The following DPP10 variants were observed in gnomAD, a reference collection of about 807,000 sequenced individuals.
DPP10 encodes inactive dipeptidyl peptidase 10.
Under a neutral mutation model 120.9 loss-of-function variants are expected in DPP10, and 33 were observed. The observed-to-expected ratio is 0.27, with a 90% CI of 0.21 to 0.37. The LOEUF (loss-of-function observed/expected upper bound fraction) is 0.37. Among genes scored for constraint, DPP10 ranks in the 10% least tolerant of loss-of-function variants. The pLI is 1.00. For synonymous variants in DPP10, 337 were observed against 326.1 expected (o/e 1.03, Z -0.36); for missense variants, 816 against 942.8 (o/e 0.87, Z 1.76).
chr2:115,248,527 T>C (rs2058629311), intron 1 of DPP10, among the ~76,000 whole-genome samples: 1 of 152,132 alleles, frequency 6.6e-6, no homozygotes. Flanking sequence ...AACCTGCTGC[T>C]ACGTTAGTTA....
At chr2:114,497,375 A>G (rs917147125) in intron 1 of DPP10, among the ~76,000 whole-genome samples, 1 of 143,392 alleles carries the variant, frequency 7.0e-6, no homozygotes, top group African/African-American at 2.5e-5. Flanking sequence ...ACACATGTAC[A>G]TATACATATA....
At chr2:115,295,795 T>C (rs185562408) in intron 1 of DPP10, among the ~76,000 whole-genome samples, 8 of 152,186 alleles carry the variant, frequency 5.3e-5, no homozygotes, top group Non-Finnish European at 5.9e-5. Flanking sequence ...GTAAAGAAGG[T>C]ATTAGAAAAA....
At chr2:115,778,547 C>T (rs1170798415) in intron 15 of DPP10, among the ~76,000 whole-genome samples, 1 of 152,032 alleles carries the variant, frequency 6.6e-6, no homozygotes, top group Non-Finnish European at 1.5e-5. Flanking sequence ...CCTATTAATT[C>T]TAGACTTTAT....
At chr2:114,469,594 G>T (rs1679732407) in intron 1 of DPP10, among the ~76,000 whole-genome samples, 1 of 152,048 alleles carries the variant, frequency 6.6e-6, no homozygotes, top group South Asian at 2.1e-4. Context: ...TGGGAGTGGT[G>T]GTGCATGCCT....
chr2:115,511,718 TCTTCTTCTTC>T (rs2077233260), intron 4 of DPP10, among the ~76,000 whole-genome samples: 1 of 128,258 alleles, frequency 7.8e-6, no homozygotes, highest in South Asian at 2.5e-4. Flanking sequence ...TTCTTCTTCT[TCTTCTTCTTC>T]TTCTTTTTTT....
chr2:115,432,657 TTTTG>T (rs1173735452), intron 3 of DPP10, among the ~76,000 whole-genome samples: 1 of 61,308 alleles, frequency 1.6e-5, no homozygotes, highest in East Asian at 3.6e-4. Flanking sequence ...CCATAGGCAA[TTTTG>T]TGTGTGTGTG....
At chr2:114,777,275 T>C (rs1480269389) in intron 1 of DPP10, among the ~76,000 whole-genome samples, 1 of 152,144 alleles carries the variant, frequency 6.6e-6, no homozygotes. Context: ...GGAAACACTG[T>C]CTTGTGCTGG....
intron 3 of DPP10, among the ~76,000 whole-genome samples, chr2:115,458,385 C>A (rs1037777998): frequency 2.0e-5 from 3 of 152,048 alleles, no homozygotes; most frequent in African/African-American, 7.2e-5. Context: ...ATTGAATTTA[C>A]AGATAATTGT....
At chr2:115,553,712 C>G (rs2080021961) in intron 5 of DPP10, among the ~76,000 whole-genome samples, 3 of 151,774 alleles carry the variant, frequency 2.0e-5, no homozygotes, top group Admixed American at 6.6e-5. Context: ...GCAAAATAAT[C>G]TATTGATTGT....
At chr2:114,932,268 T>G (rs1484907546) in intron 1 of DPP10, among the ~76,000 whole-genome samples, 1 of 152,206 alleles carries the variant, frequency 6.6e-6, no homozygotes, top group Non-Finnish European at 1.5e-5. Flanking sequence ...ATCTAAAAGC[T>G]AAACATTTTT....
intron 1 of DPP10, among the ~76,000 whole-genome samples, chr2:114,829,534 A>ATT (rs539035964): frequency 0.27 from 37,471 of 138,264 alleles, 5,026 homozygotes; most frequent in Middle Eastern, 0.35. Context: ...CACTCAGCTA[A>ATT]TTTTTTTTTT....
intron 1 of DPP10, among the ~76,000 whole-genome samples, chr2:114,449,740 T>C (rs939266376): frequency 1.3e-5 from 2 of 152,214 alleles, no homozygotes; most frequent in African/African-American, 4.8e-5. Context: ...CTTTGTATTA[T>C]GATTTGTTCT....
intron 7 of DPP10, among the ~76,000 whole-genome samples, chr2:115,698,306 A>C (rs2091705796): frequency 6.6e-6 from 1 of 152,198 alleles, no homozygotes; most frequent in Middle Eastern, 3.2e-3. Flanking sequence ...AAATACTTAG[A>C]GATGAAGTAA....
chr2:115,003,575 T>G (rs1386927461), intron 1 of DPP10, among the ~76,000 whole-genome samples: 1 of 152,104 alleles, frequency 6.6e-6, no homozygotes, highest in East Asian at 1.9e-4. Context: ...TTGTGAAGTC[T>G]TTAGTTTATA....
At chr2:115,764,491 G>GC (rs1179403427) in intron 12 of DPP10, among the ~76,000 whole-genome samples, 2 of 151,854 alleles carry the variant, frequency 1.3e-5, no homozygotes, top group African/African-American at 2.4e-5. Flanking sequence ...CAGAAAATAA[G>GC]AACAATGGAC....
At chr2:115,771,699 C>T (rs1024573038) in intron 13 of DPP10, among the ~76,000 whole-genome samples, 19 of 152,150 alleles carry the variant, frequency 1.2e-4, no homozygotes, top group African/African-American at 4.1e-4. Flanking sequence ...TTAAAGTTGT[C>T]GTGCCTGAAA....
intron 3 of DPP10, among the ~76,000 whole-genome samples, chr2:115,498,391 C>A (rs1396216115): frequency 6.6e-6 from 1 of 152,010 alleles, no homozygotes; most frequent in African/African-American, 2.4e-5. Context: ...GTGTCAGACA[C>A]CTTTTCGTGT....
In DPP10 at chr2:114,678,098, C is replaced by T. The variant is rs115360469; in HGVS notation, c.60+235260C>T. On this transcript the variant is annotated intron_variant, in intron 1 of 25. Transcript: ENST00000410059. The stretch of plus-strand genomic sequence containing the variant: ...TCATTTTACTTTCTTATCACTTATG[C>T]CTGAGAGTAGAAATTAAACAAATGG... 9.7e-3 allele frequency among the ~76,000 whole-genome samples: 1,481 copies of T among 152,084 alleles called. 18 individuals are homozygous for T. Among genetic ancestry groups the T allele is most frequent in the African/African-American group, 0.033 (1,374 of 41,530 alleles).
At chr2:114,765,507 A>G (rs10173989) in intron 1 of DPP10, among the ~76,000 whole-genome samples, 4,722 of 152,280 alleles carry the variant, frequency 0.031, 261 homozygotes, top group African/African-American at 0.11. Flanking sequence ...AGCCACGAGC[A>G]TATGCTTCAG....
Sources: allele counts gnomAD v4.1 joint callset (sites outside exome capture counted in the v4.1 genomes callset), GRCh38; gene constraint gnomAD v4.1.1; transcripts MANE v1.5; gene names NCBI Gene and HGNC (gene_info 2026-07-23, HGNC 2026-07-21).